WDR47: variants seen among roughly 807,000 people sequenced by gnomAD.
WDR47 encodes WD repeat-containing protein 47.
A neutral mutation model predicts 97.2 loss-of-function variants in WDR47; 32 were observed. The observed-to-expected ratio is 0.33, with a 90% CI of 0.25 to 0.44. The LOEUF (loss-of-function observed/expected upper bound fraction) is 0.44. Ranked by LOEUF, WDR47 falls within the 20% of genes least tolerant of loss-of-function variation. The pLI, the probability that WDR47 is intolerant of heterozygous loss-of-function variation, is 1.00. For synonymous variants in WDR47, 375 were observed against 373.5 expected (o/e 1.00, Z -0.05); for missense variants, 782 against 1,102.3 (o/e 0.71, Z 4.11).
intron 9 of WDR47, 24 bp from the exon 10 acceptor site, chr1:108,986,704 T>G (rs779812429): frequency 1.0e-5 from 8 of 767,328 alleles, no homozygotes; most frequent in Non-Finnish European, 1.3e-5. Context: ...GAATATTAGT[T>G]ATCCTATTAA....
chr1:109,029,992 T>A, intron 1 of WDR47: 1 of 393,000 alleles, frequency 2.5e-6, no homozygotes, highest in Non-Finnish European at 4.5e-6. Context: ...CTGGTAGCTT[T>A]CTAACCAAAT....
intron 1 of WDR47, among the ~76,000 whole-genome samples, chr1:109,040,609 G>A (rs1286401574): frequency 4.0e-5 from 6 of 151,812 alleles, no homozygotes; most frequent in African/African-American, 1.5e-4. Context: ...GTTGTGACTT[G>A]ACTTTTCCAT....
chr1:108,995,704 G>C lies in WDR47; in HGVS notation c.1567C>G (p.Pro523Ala). Residue 523 changes from proline to alanine, a missense_variant, in exon 8 of 15, where the codon CCA becomes GCA. Physicochemically the swap from Pro to Ala is conservative, Grantham distance 27 (BLOSUM62 -1). Coordinates refer to ENST00000369962, the MANE Select transcript of WDR47 (RefSeq NM_001142551.2). ...AATCTCTGACTAGAGTCTTGGGGTG[G>C]TGTAGTAAAACTAGTCACAGAAGAA... Reference protein sequence around the residue: ...NGSSVTSFTTPPQDSSQRLTH... With the variant: ...NGSSVTSFTTAPQDSSQRLTH... The C allele has an allele frequency of 1.2e-6, 2 of 1,614,082 alleles. No individual in the cohort carries two copies. The highest frequency in any genetic ancestry group is 1.7e-6 in the Non-Finnish European group (2 of 1,180,006).
intron 4 of WDR47, 80 bp downstream of exon 4, chr1:109,013,761 T>G: frequency 6.8e-7 from 1 of 1,466,512 alleles, no homozygotes; most frequent in Non-Finnish European, 9.4e-7. Flanking sequence ...CTTGTGATGC[T>G]AATCCTTCGT....
intron 6 of WDR47, among the ~76,000 whole-genome samples, chr1:109,002,851 G>A (rs1448368737): frequency 6.6e-6 from 1 of 152,144 alleles, no homozygotes; most frequent in Non-Finnish European, 1.5e-5. Context: ...TGGAATGGAT[G>A]GGGTAAAAAG....
At chr1:109,009,170 A>G (rs896003105) in intron 5 of WDR47, among the ~76,000 whole-genome samples, 2 of 152,208 alleles carry the variant, frequency 1.3e-5, no homozygotes, top group African/African-American at 4.8e-5. Context: ...GGCTCCAACT[A>G]TCCTATGTAA....
At chr1:109,029,922 A>G in intron 1 of WDR47, 1 of 338,982 alleles carries the variant, frequency 3.0e-6, no homozygotes, top group Middle Eastern at 8.2e-4. Flanking sequence ...AGTAATAAAA[A>G]TATATTGACT....
intron 9 of WDR47, among the ~76,000 whole-genome samples, chr1:108,988,693 A>G (rs958239614): frequency 7.9e-5 from 12 of 152,218 alleles, no homozygotes; most frequent in Admixed American, 2.0e-4. Context: ...AATTAAATAA[A>G]TAAATAAACA....
Position 108,978,493 on chromosome 1 carries a change from C to CA in WDR47, c.2398+3239dup, listed in dbSNP as rs201610690. On this transcript the variant is annotated intron_variant, in intron 13 of 14. Transcript: ENST00000369962. ...ACAGAGCGAGACTCCGTCTCAAAAGCAAAAAAAAAAAAAAAGAATTTTATG... is the reference window on the plus strand; with the variant it reads ...ACAGAGCGAGACTCCGTCTCAAAAGCAAAAAAAAAAAAAAAAGAATTTTATG... 3.5e-3 allele frequency among the ~76,000 whole-genome samples: 320 copies of CA among 92,644 alleles called. 2 individuals carry two copies. The highest frequency in any genetic ancestry group is 4.8e-3 in the East Asian group (16 of 3,308). The allele number at this position is 92,644 out of a possible 152,430, so 60.8% of individuals were successfully genotyped here.
At chr1:108,997,964 T>C (rs1217427219) in intron 7 of WDR47, among the ~76,000 whole-genome samples, 1 of 152,114 alleles carries the variant, frequency 6.6e-6, no homozygotes, top group South Asian at 2.1e-4. Context: ...CATTAAACAT[T>C]GTTTATTTAT....
intron 7 of WDR47, among the ~76,000 whole-genome samples, chr1:108,996,833 A>G (rs1446706112): frequency 6.6e-6 from 1 of 152,182 alleles, no homozygotes; most frequent in African/African-American, 2.4e-5. Context: ...ATTTAGACTC[A>G]TGGGCCAGGT....
chr1:109,002,430 T>C lies in WDR47; in HGVS notation c.1255-28A>G, dbSNP rs186598730. On this transcript the variant is annotated intron_variant, in intron 6 of 14. Coordinates refer to ENST00000369962, the MANE Select transcript of WDR47 (RefSeq NM_001142551.2). ...TAAAAACATTAGAAAAAAACATATA[T>C]ATTTGAGCAAACTATGACAGAATAT... 2.0e-4 allele frequency: 297 copies of C among 1,506,840 alleles called. 2 individuals carry two copies. The East Asian group carries it at 6.3e-3, about 32-fold the overall frequency. 93.3% of individuals were successfully genotyped at this position (1,506,840 alleles called of 1,614,324 possible).
intron 5 of WDR47, among the ~76,000 whole-genome samples, chr1:109,007,973 G>T (rs1571207119): frequency 6.6e-6 from 1 of 151,840 alleles, no homozygotes; most frequent in East Asian, 1.9e-4. Context: ...ACAGTGGCGG[G>T]CGCCTGTAAT....
intron 1 of WDR47, among the ~76,000 whole-genome samples, chr1:109,036,444 C>G (rs1246726173): frequency 6.7e-6 from 1 of 150,064 alleles, no homozygotes; most frequent in Non-Finnish European, 1.5e-5. Context: ...TGGTAGCGTG[C>G]GCCTGTAGTC....
At chr1:109,009,687 A>T (rs1660888140) in intron 5 of WDR47, among the ~76,000 whole-genome samples, 1 of 152,198 alleles carries the variant, frequency 6.6e-6, no homozygotes, top group African/African-American at 2.4e-5. Flanking sequence ...TATGTAATAT[A>T]TTCCCAGTTT....
At chr1:108,994,906 A>G (rs1659637878) in intron 8 of WDR47, among the ~76,000 whole-genome samples, 1 of 152,214 alleles carries the variant, frequency 6.6e-6, no homozygotes, top group South Asian at 2.1e-4. Context: ...ATTATTTATA[A>G]AGTGAATTCC....
chr1:108,991,360 C>T (rs761758544), intron 8 of WDR47, 31 bp from the exon 9 acceptor site: 1 of 1,560,492 alleles, frequency 6.4e-7, no homozygotes, highest in African/African-American at 1.4e-5. Flanking sequence ...GTAAAGTTTA[C>T]TCCATGTATC....
chr1:108,994,172 C>T (rs1392013455), intron 8 of WDR47, among the ~76,000 whole-genome samples: 1 of 151,876 alleles, frequency 6.6e-6, no homozygotes. Context: ...CCGAGGTGAG[C>T]GAATCATGAG....
chr1:108,983,231 C>T (rs375456517), intron 11 of WDR47, 51 bp downstream of exon 11: 138 of 1,456,588 alleles, frequency 9.5e-5, no homozygotes, highest in Middle Eastern at 1.8e-4. Context: ...ATGGAGAAAA[C>T]ATAACATATA....
Sources: gnomAD v4.1 joint callset for allele counts (sites outside exome capture counted in the v4.1 genomes callset) on GRCh38, gnomAD v4.1.1 for gene constraint, MANE v1.5 for transcripts, NCBI Gene and HGNC (gene_info 2026-07-23, HGNC 2026-07-21) for gene names.